The following GNG2 variants were observed in gnomAD, a reference collection of about 807,000 sequenced individuals.
GNG2 encodes the protein guanine nucleotide-binding protein G(I)/G(S)/G(O) subunit gamma-2.
Under a neutral mutation model 5.5 loss-of-function variants are expected in GNG2, and 5 were observed. The observed-to-expected ratio is 0.91, with a 90% CI of 0.48 to 1.92. The LOEUF is 1.92. Among genes scored for constraint, GNG2 ranks in the 30% most tolerant of loss-of-function variants. The probability of loss-of-function intolerance (pLI) is 0.01; values close to 1 mark genes in which losing one functional copy is unlikely to be tolerated. For synonymous variants in GNG2, 28 were observed against 32.0 expected, an observed-to-expected ratio of 0.88 and a Z score of 0.42; for missense variants, 55 against 88.4, an observed-to-expected ratio of 0.62 and a Z score of 1.52.
intron 3 of GNG2, among the ~76,000 whole-genome samples, chr14:51,961,252 A>G (rs1327948336): frequency 6.6e-6 from 1 of 152,202 alleles, no homozygotes; most frequent in Non-Finnish European, 1.5e-5. Flanking sequence ...CAAAATTGGA[A>G]GTATAGAATG....
At chr14:51,940,293 C>G (rs2140263327) in intron 2 of GNG2, 1 of 152,446 alleles carries the variant, frequency 6.6e-6, no homozygotes, top group Middle Eastern at 3.4e-3. Context: ...CTGTGTCTGG[C>G]CCCGCTGTGA....
chr14:51,917,806 G>A lies in GNG2; in HGVS notation c.-29-32844G>A, dbSNP rs115206680. On this transcript the variant is annotated intron_variant, in intron 2 of 3. Coordinates refer to ENST00000556766, the MANE Select transcript of GNG2 (RefSeq NM_053064.5). The stretch of plus-strand genomic sequence containing the variant: ...AGAACCTTGGAAGGCCAAGGTGGGC[G>A]GATCACCTGAGGGGTTTGAGACCAG... Among the ~76,000 whole-genome samples, 1,010 of 152,146 alleles carry A rather than the reference G, an allele frequency of 6.6e-3. 12 individuals carry two copies. Among genetic ancestry groups the A allele is most frequent in the African/African-American group, 0.023 (948 of 41,506 alleles).
At chr14:51,912,247 A>G (rs1479107867) in intron 2 of GNG2, among the ~76,000 whole-genome samples, 4 of 152,178 alleles carry the variant, frequency 2.6e-5, no homozygotes, top group Admixed American at 6.5e-5. Flanking sequence ...GGGAAGAAAG[A>G]ATGGGGGAGA....
chr14:51,956,741 C>T (rs1454928183), intron 3 of GNG2, among the ~76,000 whole-genome samples: 1 of 152,152 alleles, frequency 6.6e-6, no homozygotes, highest in African/African-American at 2.4e-5. Context: ...TGTGTATAGG[C>T]AATGACAGCC....
Position 51,967,137 on chromosome 14 carries a change from ATGTATAGTCAC to A in GNG2, c.*454_*464del, listed in dbSNP as rs1699371681. 1 of 154,922 alleles carries A rather than the reference ATGTATAGTCAC, an allele frequency of 6.5e-6. No individual in the cohort carries two copies. The highest frequency in any genetic ancestry group is 2.0e-4 in the South Asian group (1 of 5,052). 9.6% of individuals were successfully genotyped at this position (154,922 alleles called of 1,614,324 possible). On this transcript the variant is annotated 3_prime_UTR_variant, in exon 4 of 4. Transcript: ENST00000556766. ...GATGCAATTCGGTTTAATGGCATTG[ATGTATAGTCAC>A]TGTGCCTTTCTTTTTCTTTCTTCCT... is the stretch of plus-strand genomic sequence containing the variant.
At chr14:51,889,538 A>G (rs183907270) in intron 2 of GNG2, among the ~76,000 whole-genome samples, 40 of 152,356 alleles carry the variant, frequency 2.6e-4, no homozygotes, top group Non-Finnish European at 4.9e-4. Context: ...ATTTCATTAT[A>G]TATCAGTAAA....
intron 2 of GNG2, among the ~76,000 whole-genome samples, chr14:51,890,152 CCTTT>C (rs1258595447): frequency 6.6e-6 from 1 of 152,178 alleles, no homozygotes; most frequent in Non-Finnish European, 1.5e-5. Context: ...AGACTTCCTC[CCTTT>C]CTAATTGTCT....
At chr14:51,866,048 G>A (rs568793261) in intron 1 of GNG2, among the ~76,000 whole-genome samples, 1 of 152,264 alleles carries the variant, frequency 6.6e-6, no homozygotes, top group East Asian at 1.9e-4. Flanking sequence ...GACAGGATCA[G>A]CCCCTTTATC....
At chr14:51,852,031 T>A (rs1217649852) in intron 2 of GNG2, among the ~76,000 whole-genome samples, 1 of 36,462 alleles carries the variant, frequency 2.7e-5, no homozygotes, top group Admixed American at 4.7e-4. Flanking sequence ...GATGTAAAAA[T>A]TTAGCAGTGA....
At chr14:51,861,913 A>T (rs1882514418) in intron 1 of GNG2, among the ~76,000 whole-genome samples, 1 of 152,202 alleles carries the variant, frequency 6.6e-6, no homozygotes, top group African/African-American at 2.4e-5. Context: ...TAATGAAAGG[A>T]GATAATTTTT....
chr14:51,856,781 TAAG>T (rs968748193), upstream of GNG2, among the ~76,000 whole-genome samples: 1 of 152,248 alleles, frequency 6.6e-6, no homozygotes, highest in African/African-American at 2.4e-5. Context: ...TGCTTCTTTA[TAAG>T]AAGTTCAATG....
intron 3 of GNG2, among the ~76,000 whole-genome samples, chr14:51,954,677 C>T (rs1044464245): frequency 1.3e-5 from 2 of 152,102 alleles, no homozygotes; most frequent in African/African-American, 2.4e-5. Flanking sequence ...GCGAGTGCTC[C>T]GTCACCTGTC....
chr14:51,850,164 CTGT>C (rs1329049386), intron 2 of GNG2, among the ~76,000 whole-genome samples: 1 of 152,142 alleles, frequency 6.6e-6, no homozygotes, highest in African/African-American at 2.4e-5. Flanking sequence ...TCTTCAGCTT[CTGT>C]TGTTTTCATT....
chr14:51,902,407 T>G (rs919601224), intron 2 of GNG2, among the ~76,000 whole-genome samples: 1 of 152,160 alleles, frequency 6.6e-6, no homozygotes, highest in African/African-American at 2.4e-5. Context: ...GGAGGAGAGG[T>G]TCCCCCAAAG....
chr14:51,959,585 A>C (rs989623611), intron 3 of GNG2, among the ~76,000 whole-genome samples: 7 of 152,298 alleles, frequency 4.6e-5, no homozygotes, highest in Admixed American at 3.3e-4. Flanking sequence ...TTGATAAAGC[A>C]GTAGCCTCCA....
Position 51,958,436 on chromosome 14 carries a change from C to T in GNG2, c.87+7671C>T, listed in dbSNP as rs545103728. On this transcript the variant is annotated intron_variant, in intron 3 of 3. Coordinates refer to ENST00000556766, the MANE Select transcript of GNG2 (RefSeq NM_053064.5). Reference sequence around the variant, plus strand: ...ACAATCAGTCTGTCTCTCTCTCTTCCGTTCCCCCCCCCCATTTATATTTCT... The same window carrying T: ...ACAATCAGTCTGTCTCTCTCTCTTCTGTTCCCCCCCCCCATTTATATTTCT... Among the ~76,000 whole-genome samples the T allele has an allele frequency of 5.4e-4, 30 of 55,672 alleles. 1 individual carries two copies. The highest frequency in any genetic ancestry group is 1.8e-3 in the Admixed American group (12 of 6,790). The allele number at this position is 55,672 out of a possible 152,430, so 36.5% of individuals were successfully genotyped here. A position where few individuals can be genotyped will look rare whatever the true frequency, so the allele number is the denominator to read the frequency against.
At chr14:51,957,410 C>A (rs1889336996) in intron 3 of GNG2, among the ~76,000 whole-genome samples, 1 of 152,158 alleles carries the variant, frequency 6.6e-6, no homozygotes, top group African/African-American at 2.4e-5. Flanking sequence ...TCTAATTTCT[C>A]TTTTCCTTTT....
chr14:51,928,062 G>A (rs1284202071), intron 2 of GNG2, among the ~76,000 whole-genome samples: 5 of 120,556 alleles, frequency 4.1e-5, no homozygotes, highest in Non-Finnish European at 6.3e-5. Context: ...ACTGAGTCTC[G>A]CTCCGTCATC....
chr14:51,835,123 T>C (rs373120238), intron 2 of GNG2, among the ~76,000 whole-genome samples: 1 of 152,170 alleles, frequency 6.6e-6, no homozygotes, highest in Non-Finnish European at 1.5e-5. Flanking sequence ...AAAGAAAGCT[T>C]CTAGGTTAAC....
Sources: allele counts gnomAD v4.1 joint callset (sites outside exome capture counted in the v4.1 genomes callset), GRCh38; gene constraint gnomAD v4.1.1; transcripts MANE v1.5; gene names NCBI Gene and HGNC (gene_info 2026-07-23, HGNC 2026-07-21).